Variants in DNAH3 observed in about 807,000 individuals in gnomAD.
DNAH3 encodes the protein dynein axonemal heavy chain 3.
Under a neutral mutation model 432.5 loss-of-function variants are expected in DNAH3, and 332 were observed. That is an observed-to-expected ratio of 0.77 (90% confidence interval 0.70 to 0.84). The LOEUF (loss-of-function observed/expected upper bound fraction) is 0.84. Among genes scored for constraint, DNAH3 ranks in the 40% least tolerant of loss-of-function variants. DNAH3 has a pLI of 0.00. For missense variants in DNAH3, 4,861 were observed against 5,114.0 expected, an observed-to-expected ratio of 0.95 and a Z score of 1.51; for synonymous variants, 1,956 against 1,900.2, an observed-to-expected ratio of 1.03 and a Z score of -0.76.
intron 18 of DNAH3, among the ~76,000 whole-genome samples, chr16:21,092,011 C>T (rs1457171066): frequency 6.6e-6 from 1 of 152,070 alleles, no homozygotes; most frequent in Non-Finnish European, 1.5e-5. Flanking sequence ...GATAGGAAGA[C>T]TCAATATTGT....
At chr16:21,092,189 G>A (rs138395759) in intron 18 of DNAH3, among the ~76,000 whole-genome samples, 30 of 152,246 alleles carry the variant, frequency 2.0e-4, no homozygotes, top group African/African-American at 6.7e-4. Context: ...AAAGTCAGAG[G>A]ACTGATACTA....
At chr16:21,084,658 T>C (rs769290436) in intron 19 of DNAH3, among the ~76,000 whole-genome samples, 16 of 152,018 alleles carry the variant, frequency 1.1e-4, no homozygotes, top group African/African-American at 1.7e-4. Flanking sequence ...ATTTTTTAAA[T>C]AGATGGGTCA....
At chr16:21,148,915 T>C (rs2092819677) in intron 1 of DNAH3, among the ~76,000 whole-genome samples, 1 of 152,138 alleles carries the variant, frequency 6.6e-6, no homozygotes, top group African/African-American at 2.4e-5. Flanking sequence ...ACTAGCTGGT[T>C]GTGCAAAATT....
chr16:21,084,615 C>T (rs904057929), intron 19 of DNAH3, among the ~76,000 whole-genome samples: 2 of 152,034 alleles, frequency 1.3e-5, no homozygotes, highest in Non-Finnish European at 2.9e-5. Flanking sequence ...AGCCACGGCA[C>T]CTGACTGGGA....
At chr16:20,957,551 G>A (rs1403414764) in intron 54 of DNAH3, among the ~76,000 whole-genome samples, 3 of 151,902 alleles carry the variant, frequency 2.0e-5, no homozygotes, top group Non-Finnish European at 4.4e-5. Flanking sequence ...GGTGGCTCAC[G>A]CCTGTAATCC....
At chr16:21,026,986 A>C in intron 38 of DNAH3, 41 bp downstream of exon 38, 7 of 1,420,792 alleles carry the variant, frequency 4.9e-6, no homozygotes, top group Non-Finnish European at 6.0e-6. Context: ...GGGTGAGTGG[A>C]GCCACACTGT....
chr16:21,084,680 C>T (rs117468249), intron 19 of DNAH3, among the ~76,000 whole-genome samples: 2,352 of 152,018 alleles, frequency 0.015, 26 homozygotes, highest in Non-Finnish European at 0.025. Context: ...ACTATGTTGC[C>T]CAGGTTGGCC....
At chr16:20,975,481 G>T in intron 50 of DNAH3, 66 bp from the exon 51 acceptor site, 1 of 1,471,644 alleles carries the variant, frequency 6.8e-7, no homozygotes, top group Non-Finnish European at 9.3e-7. Flanking sequence ...GACAAGAATT[G>T]AAATGATTCT....
intron 7 of DNAH3, among the ~76,000 whole-genome samples, chr16:21,129,801 G>A (rs746979795): frequency 3.3e-5 from 5 of 151,734 alleles, no homozygotes; most frequent in African/African-American, 1.2e-4. Context: ...CAGGGGTAGC[G>A]GGGAGGTTTG....
At chr16:21,075,148 G>T (rs2090929742) in intron 21 of DNAH3, among the ~76,000 whole-genome samples, 1 of 152,180 alleles carries the variant, frequency 6.6e-6, no homozygotes, top group South Asian at 2.1e-4. Flanking sequence ...CTTTGGAATG[G>T]TGTACAAGCC....
intron 11 of DNAH3, among the ~76,000 whole-genome samples, chr16:21,117,796 A>C (rs1339218113): frequency 6.6e-6 from 1 of 152,190 alleles, no homozygotes; most frequent in Admixed American, 6.5e-5. Context: ...AGGGCCTAGC[A>C]AAAGCTTGGC....
At chr16:21,106,176 C>CCAA (rs1567800597) in intron 15 of DNAH3, among the ~76,000 whole-genome samples, 1 of 99,514 alleles carries the variant, frequency 1.0e-5, no homozygotes, top group African/African-American at 3.5e-5. Context: ...GAGACTCCAT[C>CCAA]TAAAAAAAAA....
Position 21,062,479 on chromosome 16 carries a change from T to C in DNAH3, c.3720+3A>G. On this transcript the variant is annotated splice_donor_region_variant and intron_variant, in intron 25 of 61. Coordinates refer to ENST00000261383, the Ensembl canonical transcript of DNAH3. ...AGAACCAAAAATGGGTAAGAGGAGT[T>C]ACCTTGGCATTAGCTGGGTAGATTT... The C allele has an allele frequency of 1.9e-6, 3 of 1,613,972 alleles. No homozygotes were observed. The highest frequency in any genetic ancestry group is 2.5e-6 in the Non-Finnish European group (3 of 1,179,828).
intron 44 of DNAH3, among the ~76,000 whole-genome samples, chr16:20,989,495 G>A (rs562022998): frequency 6.6e-6 from 1 of 152,236 alleles, no homozygotes; most frequent in Admixed American, 6.5e-5. Flanking sequence ...TAAACACAGG[G>A]TGCTGATTGG....
At chr16:20,947,770 GTTTT>G (rs1039306814) in intron 57 of DNAH3, among the ~76,000 whole-genome samples, 3 of 151,724 alleles carry the variant, frequency 2.0e-5, no homozygotes, top group East Asian at 3.9e-4. Context: ...AAAGTAAGTG[GTTTT>G]TTTTGTTTGT....
chr16:21,036,663 GACTTCAGCAAACAGTAAAACAGGCAC>G lies in DNAH3; in HGVS notation c.5085+25_5085+50del, dbSNP rs774722360. 21 of 1,557,446 alleles carry G rather than the reference GACTTCAGCAAACAGTAAAACAGGCAC, an allele frequency of 1.3e-5. No homozygotes were observed. The Middle Eastern group carries it at 2.4e-3, about 179-fold the overall frequency. On this transcript the variant is annotated intron_variant, in intron 35 of 61. Transcript: ENST00000261383. ...CTCCTATAAGACTTTACTGTTTGCT[GACTTCAGCAAACAGTAAAACAGGCAC>G]ATTTATATGGGCTAAGGAACCAACC...
intron 14 of DNAH3, among the ~76,000 whole-genome samples, chr16:21,108,600 A>G (rs140741254): frequency 1.0e-3 from 158 of 152,214 alleles, no homozygotes; most frequent in South Asian, 5.2e-3. Context: ...AAAATTAGCC[A>G]GGTGTATTGG....
chr16:20,988,701 G>C (rs2086352960), intron 44 of DNAH3, among the ~76,000 whole-genome samples: 1 of 152,256 alleles, frequency 6.6e-6, no homozygotes, highest in Non-Finnish European at 1.5e-5. Context: ...ATCTCCTTTT[G>C]TGTCCGGAAT....
intron 20 of DNAH3, among the ~76,000 whole-genome samples, chr16:21,076,631 C>T (rs1283277039): frequency 6.6e-6 from 1 of 152,124 alleles, no homozygotes; most frequent in African/African-American, 2.4e-5. Context: ...ACAGGAGATT[C>T]CAGTCTACCT....
Sources: allele counts gnomAD v4.1 joint callset (sites outside exome capture counted in the v4.1 genomes callset), GRCh38; gene constraint gnomAD v4.1.1; transcripts MANE v1.5; gene names NCBI Gene and HGNC (gene_info 2026-07-23, HGNC 2026-07-21).